SNAP23: variants seen among roughly 807,000 people sequenced by gnomAD.
The protein encoded by SNAP23 is synaptosome associated protein 23, also known as synaptosomal-associated protein 23.
SNAP23 carries 11 observed loss-of-function variants against 29.0 expected under a neutral mutation model. The observed-to-expected ratio is 0.38, with a 90% CI of 0.24 to 0.63. The LOEUF is 0.63. SNAP23 is among the 20% of genes least tolerant of loss of function. The pLI, the probability that SNAP23 is intolerant of heterozygous loss-of-function variation, is 0.58. For synonymous variants in SNAP23, 60 were observed against 82.9 expected (o/e 0.72, Z 1.50); for missense variants, 220 against 253.9 (o/e 0.87, Z 0.91).
At chr15:42,509,251 A>G (rs1203535498) in intron 1 of SNAP23, among the ~76,000 whole-genome samples, 3 of 152,204 alleles carry the variant, frequency 2.0e-5, no homozygotes, top group Non-Finnish European at 2.9e-5. Context: ...AACAATTAGC[A>G]AATTAATAAA....
chr15:42,520,715 C>G (rs1036834908), intron 5 of SNAP23, among the ~76,000 whole-genome samples: 2 of 152,078 alleles, frequency 1.3e-5, no homozygotes, highest in Non-Finnish European at 2.9e-5. Flanking sequence ...AGGATGGTCT[C>G]GATCTCCTGA....
intron 1 of SNAP23, among the ~76,000 whole-genome samples, chr15:42,511,112 T>C (rs959207558): frequency 6.6e-5 from 10 of 152,392 alleles, no homozygotes; most frequent in Admixed American, 5.2e-4. Context: ...ACAGCCGTGC[T>C]GAGTAACACC....
intron 3 of SNAP23, 199 bp downstream of exon 3, chr15:42,513,195 A>G: frequency 1.3e-6 from 1 of 743,394 alleles, no homozygotes; most frequent in Non-Finnish European, 2.4e-6. Flanking sequence ...GACAGGGAAG[A>G]TGAATTCACT....
intron 7 of SNAP23, among the ~76,000 whole-genome samples, chr15:42,530,107 C>T (rs1240198047): frequency 6.6e-6 from 1 of 152,046 alleles, no homozygotes; most frequent in African/African-American, 2.4e-5. Flanking sequence ...TTTTTCTCTC[C>T]CAAATGAGTT....
chr15:42,530,522 G>A (rs971450633), intron 7 of SNAP23, among the ~76,000 whole-genome samples: 1 of 152,190 alleles, frequency 6.6e-6, no homozygotes, highest in African/African-American at 2.4e-5. Context: ...CACTTTGAGA[G>A]GCGGAGGCAG....
chr15:42,500,522 G>A, intron 1 of SNAP23, among the ~76,000 whole-genome samples: 1 of 151,748 alleles, frequency 6.6e-6, no homozygotes, highest in East Asian at 1.9e-4. Context: ...CTGAGTAGCT[G>A]GGATTACAGG....
In SNAP23 at chr15:42,525,182, C is replaced by T. The variant is rs569728850; in HGVS notation, c.267-3080C>T. On this transcript the variant is annotated intron_variant, in intron 5 of 7. Transcript: ENST00000249647. ...GGAGATCGAGACCATCCCTGGCTAA[C>T]ACGGTGAAACCCTGTCTCTACTAAA... is the stretch of plus-strand genomic sequence containing the variant. 8.8e-4 allele frequency among the ~76,000 whole-genome samples: 134 copies of T among 152,022 alleles called. 1 individual carries two copies. Among genetic ancestry groups the T allele is most frequent in the African/African-American group, 3.1e-3 (128 of 41,502 alleles).
intron 5 of SNAP23, chr15:42,528,016 G>GT (rs796959513): frequency 5.0e-6 from 2 of 402,446 alleles, no homozygotes; most frequent in African/African-American, 3.9e-5. Context: ...TAACAGCCTA[G>GT]TGAAGATTTG....
intron 5 of SNAP23, chr15:42,521,576 T>G (rs1595527089): frequency 6.5e-7 from 1 of 1,530,794 alleles, no homozygotes; most frequent in East Asian, 2.5e-5. Flanking sequence ...TTCTCTCACC[T>G]AATCTCTTCC....
chr15:42,519,430 G>C (rs548763432), intron 5 of SNAP23, among the ~76,000 whole-genome samples: 27 of 151,160 alleles, frequency 1.8e-4, no homozygotes, highest in Admixed American at 1.3e-3. Context: ...GGAGTGCAGT[G>C]GTACAATCTC....
chr15:42,499,870 G>A (rs2141500443), intron 1 of SNAP23, among the ~76,000 whole-genome samples: 1 of 152,320 alleles, frequency 6.6e-6, no homozygotes, highest in South Asian at 2.1e-4. Flanking sequence ...TTAGGGCCGG[G>A]CGGTGGTTCA....
chr15:42,523,702 C>T (rs2057469800), intron 5 of SNAP23, among the ~76,000 whole-genome samples: 1 of 152,248 alleles, frequency 6.6e-6, no homozygotes, highest in Non-Finnish European at 1.5e-5. Flanking sequence ...AAGGGATGCT[C>T]TGACACTGAA....
intron 5 of SNAP23, among the ~76,000 whole-genome samples, chr15:42,526,940 C>T (rs1325620469): frequency 1.3e-5 from 2 of 151,390 alleles, no homozygotes; most frequent in East Asian, 3.9e-4. Flanking sequence ...TGGGTTCAAG[C>T]GATTCTCCTG....
At chr15:42,509,062 AG>A (rs2141519137) in intron 1 of SNAP23, among the ~76,000 whole-genome samples, 1 of 152,266 alleles carries the variant, frequency 6.6e-6, no homozygotes, top group African/African-American at 2.4e-5. Context: ...GTGATGGAAA[AG>A]CATGAGGCTA....
chr15:42,516,943 G>A (rs146858433), intron 5 of SNAP23, among the ~76,000 whole-genome samples: 13 of 152,184 alleles, frequency 8.5e-5, no homozygotes, highest in African/African-American at 2.9e-4. Context: ...TTTTTGAGAC[G>A]GAGTCTCGCT....
intron 1 of SNAP23, among the ~76,000 whole-genome samples, chr15:42,497,458 C>T (rs754286254): frequency 4.6e-5 from 7 of 152,184 alleles, no homozygotes; most frequent in African/African-American, 7.2e-5. Flanking sequence ...ATCCACCGGC[C>T]TCCGCCTCCC....
intron 5 of SNAP23, 90 bp from the exon 6 acceptor site, chr15:42,528,172 A>T: frequency 9.5e-7 from 1 of 1,050,102 alleles, no homozygotes; most frequent in Non-Finnish European, 1.4e-6. Flanking sequence ...TAGAGTTATT[A>T]GTGTCATCCT....
intron 1 of SNAP23, chr15:42,505,477 C>T (rs1445031647): frequency 6.6e-6 from 1 of 151,762 alleles, no homozygotes; most frequent in South Asian, 2.1e-4. Context: ...GGCCTTTTTT[C>T]TGTGTATTTC....
At chr15:42,504,730 G>A (rs2057303856) in intron 1 of SNAP23, among the ~76,000 whole-genome samples, 1 of 152,146 alleles carries the variant, frequency 6.6e-6, no homozygotes, top group South Asian at 2.1e-4. Flanking sequence ...CCGAGTTTTA[G>A]TGGTGTTAGG....
Sources: gnomAD v4.1 joint callset for allele counts (sites outside exome capture counted in the v4.1 genomes callset) on GRCh38, gnomAD v4.1.1 for gene constraint, MANE v1.5 for transcripts, NCBI Gene and HGNC (gene_info 2026-07-23, HGNC 2026-07-21) for gene names.